Variants in NEK5 observed in about 807,000 individuals in gnomAD.
The protein encoded by NEK5 is serine/threonine-protein kinase Nek5.
NEK5 carries 88 observed loss-of-function variants against 109.2 expected under a neutral mutation model. The ratio of observed to expected loss-of-function variants is 0.81; its 90% CI spans 0.68 to 0.96. The LOEUF (loss-of-function observed/expected upper bound fraction) is 0.96, where lower values mean the gene tolerates loss of function less well. Among genes scored for constraint, NEK5 ranks in the 40% least tolerant of loss-of-function variants. The pLI, the probability that NEK5 is intolerant of heterozygous loss-of-function variation, is 0.00. For missense variants in NEK5, 834 were observed against 920.7 expected (o/e 0.91, Z 1.22); for synonymous variants, 283 against 299.9 (o/e 0.94, Z 0.58).
Position 52,102,267 on chromosome 13 carries a change from A to T in NEK5, c.635T>A (p.Leu212Gln), listed in dbSNP as rs1721086278. 4 of 1,614,066 alleles carry T rather than the reference A, an allele frequency of 2.5e-6. No homozygotes were observed. Among genetic ancestry groups the T allele is most frequent in the Admixed American group, 1.7e-5 (1 of 60,004 alleles). Residue 212 changes from leucine to glutamine, a missense_variant, in exon 10 of 24, where the codon CTG (leucine) becomes CAG (glutamine). Transcript: ENST00000684899. Reference protein sequence around the residue: ...HPFEGNNLQQLVLKICQAHFA... With the variant: ...HPFEGNNLQQQVLKICQAHFA... ...ATGTGCTTGACAAATCTTCAGAACCAGCTGCTGTAAGTTGTTACCCTCAAA... is the reference window on the plus strand; with the variant it reads ...ATGTGCTTGACAAATCTTCAGAACCTGCTGCTGTAAGTTGTTACCCTCAAA...
At position 52,127,649 on chromosome 13, in the gene NEK5, G is replaced by A. The variant is rs1019562238; in HGVS notation, c.-77C>T. 2 of 557,964 alleles carry A rather than the reference G, an allele frequency of 3.6e-6. No individual in the cohort carries two copies. The highest frequency in any genetic ancestry group is 6.8e-5 in the Admixed American group (2 of 29,362). The allele number at this position is 557,964 out of a possible 1,614,324, so 34.6% of individuals were successfully genotyped here. ...AAGACAGAGACAAATAACTTTCTTT[G>A]TGGCCACAGATAACTGAAATGAGAC... On this transcript the variant is annotated 5_prime_UTR_variant, in exon 2 of 24. Coordinates refer to ENST00000684899, the MANE Select transcript of NEK5 (RefSeq NM_001365552.1).
chr13:52,127,530 TCA>T (rs1459484156), intron 2 of NEK5, 26 bp from the exon 3 acceptor site: 2 of 990,684 alleles, frequency 2.0e-6, no homozygotes, highest in African/African-American at 3.2e-5. Flanking sequence ...TGTAAATTTA[TCA>T]CACACGTCTC....
intron 20 of NEK5, among the ~76,000 whole-genome samples, chr13:52,069,362 A>G (rs1379573386): frequency 6.6e-6 from 1 of 152,118 alleles, no homozygotes; most frequent in African/African-American, 2.4e-5. Context: ...CTGATTCTCC[A>G]AAGTTTGTTT....
At chr13:52,115,914 A>G (rs1168998506) in intron 4 of NEK5, among the ~76,000 whole-genome samples, 1 of 152,112 alleles carries the variant, frequency 6.6e-6, no homozygotes, top group Non-Finnish European at 1.5e-5. Context: ...TCTCTCCTGT[A>G]ATCCCAGCAC....
chr13:52,110,102 C>T (rs1249308629), intron 7 of NEK5, among the ~76,000 whole-genome samples: 2 of 152,174 alleles, frequency 1.3e-5, no homozygotes, highest in Non-Finnish European at 1.5e-5. Flanking sequence ...ATTACAGTCA[C>T]ATCCATATTT....
chr13:52,054,320 G>A (rs1954533346), intron 22 of NEK5, among the ~76,000 whole-genome samples: 1 of 152,146 alleles, frequency 6.6e-6, no homozygotes, highest in Non-Finnish European at 1.5e-5. Flanking sequence ...GAAATAAGAG[G>A]TTTTTGTTTG....
At chr13:52,085,523 A>G (rs7338832) in intron 16 of NEK5, among the ~76,000 whole-genome samples, 2,382 of 152,282 alleles carry the variant, frequency 0.016, 72 homozygotes, top group Admixed American at 0.081. Flanking sequence ...GATCAATTTC[A>G]GCAGCATGGT....
intron 22 of NEK5, among the ~76,000 whole-genome samples, chr13:52,050,850 G>C (rs1954499312): frequency 6.6e-6 from 1 of 151,088 alleles, no homozygotes; most frequent in Admixed American, 6.6e-5. Flanking sequence ...CTCCTGAGTA[G>C]CTGGGATTAC....
At chr13:52,089,392 T>G in intron 13 of NEK5, 79 bp from the exon 14 acceptor site, 1 of 871,456 alleles carries the variant, frequency 1.1e-6, no homozygotes. Context: ...ATTTTCAGTT[T>G]AGTAATGAGA....
intron 7 of NEK5, among the ~76,000 whole-genome samples, chr13:52,109,027 C>A (rs1955707797): frequency 1.3e-5 from 2 of 152,164 alleles, no homozygotes; most frequent in African/African-American, 2.4e-5. Flanking sequence ...TTACGTTATT[C>A]CAAATTTCAA....
Position 52,102,188 on chromosome 13 carries a change from CTGAGA to C in NEK5, c.709_713del (p.Ser237AlafsTer32), listed in dbSNP as rs747745707. 5 of 1,613,628 alleles carry C rather than the reference CTGAGA, an allele frequency of 3.1e-6. No individual in the cohort carries two copies. In the African/African-American group the frequency reaches 6.7e-5, roughly 22 times the overall value. ...GGTCTCGAGGAGATACTTGAAAGAGCTGAGATATCAAGGAATGGAGCTCACGAGAA... is the reference window on the plus strand; with the variant it reads ...GGTCTCGAGGAGATACTTGAAAGAGCTATCAAGGAATGGAGCTCACGAGAA... On this transcript the variant is annotated frameshift_variant, in exon 10 of 24. Coordinates refer to ENST00000684899, the MANE Select transcript of NEK5 (RefSeq NM_001365552.1). LOFTEE classifies it high-confidence loss of function.
At chr13:52,079,100 T>C (rs1457634086) in intron 17 of NEK5, among the ~76,000 whole-genome samples, 2 of 152,192 alleles carry the variant, frequency 1.3e-5, no homozygotes, top group African/African-American at 4.8e-5. Flanking sequence ...GAGGCAGTTA[T>C]TAATTCTAAG....
intron 4 of NEK5, among the ~76,000 whole-genome samples, chr13:52,113,751 A>C (rs1955800355): frequency 6.6e-6 from 1 of 152,136 alleles, no homozygotes; most frequent in South Asian, 2.1e-4. Context: ...TATATGTTGA[A>C]ATTTTAACCC....
At chr13:52,069,041 A>C (rs886256011) in intron 20 of NEK5, among the ~76,000 whole-genome samples, 6 of 152,182 alleles carry the variant, frequency 3.9e-5, no homozygotes, top group Non-Finnish European at 5.9e-5. Context: ...ATACGGAAAA[A>C]TCCTTCAGCC....
intron 22 of NEK5, among the ~76,000 whole-genome samples, chr13:52,059,942 C>T (rs773804887): frequency 2.0e-5 from 3 of 151,918 alleles, no homozygotes; most frequent in East Asian, 1.9e-4. Context: ...TACCCTAAAA[C>T]TTAAAGTATA....
At chr13:52,104,093 G>A (rs939855014) in intron 9 of NEK5, among the ~76,000 whole-genome samples, 4 of 152,048 alleles carry the variant, frequency 2.6e-5, no homozygotes, top group African/African-American at 9.7e-5. Context: ...CCAACTAGCT[G>A]GGACTGCAGG....
chr13:52,079,251 C>G (rs78492608), intron 17 of NEK5, among the ~76,000 whole-genome samples: 8 of 140,404 alleles, frequency 5.7e-5, no homozygotes, highest in Non-Finnish European at 1.6e-5. Flanking sequence ...AGGAAGATGT[C>G]TTTTTAAATA....
At chr13:52,098,261 C>CAGATAAATAAATAAAT (rs1555314088) in intron 12 of NEK5, among the ~76,000 whole-genome samples, 1 of 146,918 alleles carries the variant, frequency 6.8e-6, no homozygotes, top group Non-Finnish European at 1.5e-5. Context: ...GACCCTCTTT[C>CAGATAAATAAATAAAT]AAATAAATAA....
chr13:52,127,220 C>T, intron 3 of NEK5, 146 bp downstream of exon 3: 1 of 575,882 alleles, frequency 1.7e-6, no homozygotes, highest in Non-Finnish European at 3.1e-6. Context: ...GCTGTTTGGA[C>T]AATGGACTTA....
Sources: allele counts gnomAD v4.1 joint callset (sites outside exome capture counted in the v4.1 genomes callset), GRCh38; gene constraint gnomAD v4.1.1; transcripts MANE v1.5; gene names NCBI Gene and HGNC (gene_info 2026-07-23, HGNC 2026-07-21).